HABP2: variants seen among roughly 807,000 people sequenced by gnomAD.
HABP2 encodes factor VII-activating protease.
A neutral mutation model predicts 66.5 loss-of-function variants in HABP2; 65 were observed. That is an observed-to-expected ratio of 0.98 (90% CI 0.80 to 1.20). The LOEUF (loss-of-function observed/expected upper bound fraction) is 1.20, where lower values mean the gene tolerates loss of function less well. Among genes scored for constraint, HABP2 ranks in the 50% most tolerant of loss-of-function variants. The probability of loss-of-function intolerance (pLI) is 0.00; values close to 1 mark genes in which losing one functional copy is unlikely to be tolerated. For missense variants in HABP2, 786 were observed against 691.0 expected, an observed-to-expected ratio of 1.14 and a Z score of -1.54; for synonymous variants, 263 against 253.9, an observed-to-expected ratio of 1.04 and a Z score of -0.34.
chr10:113,568,225 GA>G (rs938048066), intron 2 of HABP2, among the ~76,000 whole-genome samples: 6 of 152,204 alleles, frequency 3.9e-5, no homozygotes, highest in African/African-American at 1.2e-4. Context: ...TTGCAGCTCT[GA>G]GCCGCAGTGG....
chr10:113,588,450 C>A lies in HABP2; in HGVS notation c.*81C>A. On this transcript the variant is annotated 3_prime_UTR_variant, in exon 13 of 13. Transcript: ENST00000351270. ...GCCTCATGGCCAACAATGGACACCT[C>A]CAGAGCCTCCAGGGGACCACACAGT... 9.6e-7 allele frequency: 1 copy of A among 1,038,054 alleles called. No homozygotes were observed. Among genetic ancestry groups the A allele is most frequent in the Non-Finnish European group, 1.4e-6 (1 of 706,632 alleles). The allele number at this position is 1,038,054 out of a possible 1,614,324, so 64.3% of individuals were successfully genotyped here. A position where few individuals can be genotyped will look rare whatever the true frequency, so the allele number is the denominator to read the frequency against.
At chr10:113,569,759 G>C (rs946421134) in intron 2 of HABP2, 1 of 152,292 alleles carries the variant, frequency 6.6e-6, no homozygotes, top group African/African-American at 2.4e-5. Flanking sequence ...GCCAGCGAGA[G>C]TGTCTGCTGG....
intron 8 of HABP2, 149 bp downstream of exon 8, chr10:113,580,841 A>G: frequency 1.7e-6 from 1 of 587,972 alleles, no homozygotes; most frequent in Non-Finnish European, 3.0e-6. Flanking sequence ...CAACTGCCCA[A>G]CTGTCTGCAC....
intron 3 of HABP2, 44 bp downstream of exon 3, chr10:113,574,449 A>G: frequency 1.0e-6 from 1 of 973,666 alleles, no homozygotes; most frequent in South Asian, 1.3e-5. Flanking sequence ...GGAGAAGGTC[A>G]GAGCGGAGTG....
Position 113,553,207 on chromosome 10 carries a change from AAT to A in HABP2, c.69+20_69+21del, listed in dbSNP as rs1304158026. 1 of 1,588,402 alleles carries A rather than the reference AAT, an allele frequency of 6.3e-7. No individual in the cohort carries two copies. Among genetic ancestry groups the A allele is most frequent in the Admixed American group, 1.7e-5 (1 of 59,996 alleles). ...GCCTGTGGGGTAAGTGTTCTTTTCT[AAT>A]ATTTGTAGTTGAGAGACTCCGAAGT... On this transcript the variant is annotated intron_variant, in intron 1 of 12. Transcript: ENST00000351270.
chr10:113,556,795 T>C (rs1480615227), intron 1 of HABP2, among the ~76,000 whole-genome samples: 1 of 138,104 alleles, frequency 7.2e-6, no homozygotes, highest in African/African-American at 2.7e-5. Context: ...TTTCTTTGAT[T>C]CTTTTATTCT....
chr10:113,589,088 A>C lies in HABP2; in HGVS notation c.*719A>C, dbSNP rs1159184053. ...ACTGCTTCTGCCCCCCGCTGCTGAA[A>C]TCAAACATACCCCAAGTTAAAATGA... On this transcript the variant is annotated 3_prime_UTR_variant, in exon 13 of 13. Coordinates refer to ENST00000351270, the MANE Select transcript of HABP2 (RefSeq NM_004132.5). The C allele has an allele frequency of 1.2e-6, 2 of 1,612,116 alleles. No homozygotes were observed. The highest frequency in any genetic ancestry group is 1.7e-6 in the Non-Finnish European group (2 of 1,178,558).
At chr10:113,567,434 A>T in intron 1 of HABP2, 55 bp from the exon 2 acceptor site, 1 of 1,381,472 alleles carries the variant, frequency 7.2e-7, no homozygotes. Flanking sequence ...GCTAAGGAGC[A>T]CGCCCGGCAG....
Position 113,585,961 on chromosome 10 carries a change from T to G in HABP2, c.1518+23T>G, listed in dbSNP as rs11575781. 536 of 1,610,318 alleles carry G rather than the reference T, an allele frequency of 3.3e-4. 2 individuals are homozygous for G. The African/African-American group carries it at 6.4e-3, about 19-fold the overall frequency. ...CAGGTCAGAGACTCCAAGTGGTGCT[T>G]GTGGTAGGAGAGGCTAGCAGGATGT... On this transcript the variant is annotated intron_variant, in intron 12 of 12. Coordinates refer to ENST00000351270, the MANE Select transcript of HABP2 (RefSeq NM_004132.5).
chr10:113,580,039 C>G (rs745491286), intron 7 of HABP2, among the ~76,000 whole-genome samples: 1 of 152,054 alleles, frequency 6.6e-6, no homozygotes, highest in African/African-American at 2.4e-5. Flanking sequence ...CTTGGCCTCC[C>G]AAAGTGCTGG....
rs1309584269 is a variant in HABP2 at position 113,574,317 on chromosome 10, C to G, written c.135C>G (p.Ser45Arg). The change falls in exon 3 of 13, where the codon AGC becomes AGG. Residue 45 changes from serine (S) to arginine (R), a missense_variant. Transcript: ENST00000351270. The part of the protein sequence containing the change: ...PDWTPDQYDY[S>R]YEDYNQEENT... The stretch of plus-strand genomic sequence containing the variant: ...GGACCCCTGACCAGTATGATTACAG[C>G]TACGAGGATTATAATCAGGAAGAGA... 1 of 1,601,378 alleles carries G rather than the reference C, an allele frequency of 6.2e-7. No individual in the cohort carries two copies. The highest frequency in any genetic ancestry group is 2.2e-5 in the East Asian group (1 of 44,844).
intron 1 of HABP2, among the ~76,000 whole-genome samples, chr10:113,555,158 C>T (rs762405703): frequency 2.0e-5 from 3 of 152,222 alleles, no homozygotes; most frequent in Non-Finnish European, 4.4e-5. Flanking sequence ...GTGCTAGCCC[C>T]TGAACTTTCC....
intron 2 of HABP2, among the ~76,000 whole-genome samples, chr10:113,572,248 C>T (rs747571856): frequency 5.9e-5 from 9 of 152,206 alleles, no homozygotes; most frequent in Non-Finnish European, 1.2e-4. Context: ...GTAAGCAGAC[C>T]TTGTTAATAG....
At chr10:113,585,201 C>T (rs1324866676) in intron 11 of HABP2, among the ~76,000 whole-genome samples, 1 of 152,214 alleles carries the variant, frequency 6.6e-6, no homozygotes, top group East Asian at 1.9e-4. Flanking sequence ...CTGAACTTGT[C>T]AACCTCTATT....
intron 2 of HABP2, among the ~76,000 whole-genome samples, chr10:113,568,606 T>C (rs191568122): frequency 1.3e-5 from 2 of 152,302 alleles, no homozygotes; most frequent in African/African-American, 4.8e-5. Context: ...GACACATAGT[T>C]CAGTTCCTCT....
Position 113,583,347 on chromosome 10 carries a change from A to C in HABP2, c.1226A>C (p.His409Pro). 6.2e-7 allele frequency: 1 copy of C among 1,613,020 alleles called. No individual in the cohort carries two copies. ...TACAATGAAAGAGATGAGATTCCCCACAATGATATTGGCAAGTTCCTCTTT... is the reference window on the plus strand; with the variant it reads ...TACAATGAAAGAGATGAGATTCCCCCCAATGATATTGGCAAGTTCCTCTTT... Reference protein sequence around the residue: ...SHYNERDEIPHNDIALLKLKP... With the variant: ...SHYNERDEIPPNDIALLKLKP... The change falls in exon 10 of 13, where the codon CAC becomes CCC. Residue 409 changes from histidine (H) to proline (P), a missense_variant. His to Pro is a moderately conservative substitution (Grantham distance 77). Transcript: ENST00000351270.
Position 113,582,011 on chromosome 10 carries a change from A to G in HABP2, c.974A>G (p.His325Arg). The change falls in exon 9 of 13, where the codon CAC (histidine) becomes CGC (arginine). Residue 325 changes from histidine (H) to arginine (R), a missense_variant. Physicochemically the swap from His to Arg is conservative, Grantham distance 29 (BLOSUM62 0). Transcript: ENST00000351270. ...YGGFKSTAGK[H>R]PWQASLQSSL... Reference sequence around the variant, plus strand: ...GGCTTTAAGAGCACGGCGGGCAAGCACCCATGGCAGGCGTCCCTCCAGTCC... The same window carrying G: ...GGCTTTAAGAGCACGGCGGGCAAGCGCCCATGGCAGGCGTCCCTCCAGTCC... The G allele has an allele frequency of 6.2e-7, 1 of 1,614,158 alleles. No homozygotes were observed. Among genetic ancestry groups the G allele is most frequent in the Non-Finnish European group, 8.5e-7 (1 of 1,180,028 alleles).
rs772590352 is a variant in HABP2 at position 113,582,002 on chromosome 10, C to T, written c.965C>T (p.Ala322Val). Residue 322 changes from alanine to valine, a missense_variant, in exon 9 of 13, where the codon GCG becomes GTG. Ala to Val is a moderately conservative substitution (Grantham distance 64). Transcript: ENST00000351270. The stretch of plus-strand genomic sequence containing the variant: ...ATCTATGGAGGCTTTAAGAGCACGG[C>T]GGGCAAGCACCCATGGCAGGCGTCC... ...KRIYGGFKST[A>V]GKHPWQASLQ... 9 of 1,614,200 alleles carry T rather than the reference C, an allele frequency of 5.6e-6. No homozygotes were observed. Among genetic ancestry groups the T allele is most frequent in the Middle Eastern group, 1.6e-4 (1 of 6,062 alleles).
chr10:113,553,108 C>T lies in HABP2; in HGVS notation c.-14C>T, dbSNP rs1479362205. 4 of 1,609,706 alleles carry T rather than the reference C, an allele frequency of 2.5e-6. No homozygotes were observed. The highest frequency in any genetic ancestry group is 1.3e-5 in the African/African-American group (1 of 74,936). On this transcript the variant is annotated 5_prime_UTR_variant, in exon 1 of 13. Transcript: ENST00000351270. ...TTTTATTGAGAGGAAAACACAAGTC[C>T]TTAAACTGCAAAGATGTTTGCCAGG...
Sources: allele counts gnomAD v4.1 joint callset (sites outside exome capture counted in the v4.1 genomes callset), GRCh38; gene constraint gnomAD v4.1.1; transcripts MANE v1.5; gene names NCBI Gene and HGNC (gene_info 2026-07-23, HGNC 2026-07-21).